Variants in BRD4 observed in about 807,000 individuals in gnomAD.
BRD4 encodes the protein bromodomain containing 4.
Under a neutral mutation model 142.1 loss-of-function variants are expected in BRD4, and 16 were observed. That is an observed-to-expected ratio of 0.11 (90% CI 0.08 to 0.17). The LOEUF is 0.17. BRD4 is among the 10% of genes least tolerant of loss of function. The pLI is 1.00. For synonymous variants in BRD4, 833 were observed against 707.5 expected, an observed-to-expected ratio of 1.18 and a Z score of -2.82; for missense variants, 1,424 against 1,810.9, an observed-to-expected ratio of 0.79 and a Z score of 3.88.
chr19:15,311,617 CCT>C (rs1163140809), intron 1 of BRD4, among the ~76,000 whole-genome samples: 1 of 151,652 alleles, frequency 6.6e-6, no homozygotes, highest in Non-Finnish European at 1.5e-5. Flanking sequence ...ATGATGAAAC[CCT>C]GTCTCTACTA....
intron 1 of BRD4, among the ~76,000 whole-genome samples, chr19:15,310,983 A>C (rs1281797694): frequency 6.6e-6 from 1 of 151,690 alleles, no homozygotes; most frequent in African/African-American, 2.4e-5. Context: ...CTTAGTTCTA[A>C]CATGTGTTCA....
intron 2 of BRD4, among the ~76,000 whole-genome samples, chr19:15,272,437 C>A (rs961037204): frequency 1.3e-5 from 2 of 152,160 alleles, no homozygotes; most frequent in South Asian, 4.1e-4. Context: ...TGATCAACTA[C>A]GTCTACTTAT....
intron 11 of BRD4, chr19:15,253,429 A>T (rs1385514381): frequency 1.1e-6 from 1 of 878,040 alleles, no homozygotes; most frequent in Non-Finnish European, 1.7e-6. Context: ...GCTGCTGCTC[A>T]GAAGGTGGGC....
chr19:15,288,028 A>G (rs1344329547), intron 1 of BRD4, among the ~76,000 whole-genome samples: 2 of 152,164 alleles, frequency 1.3e-5, no homozygotes, highest in Non-Finnish European at 2.9e-5. Context: ...TCGGCCTCCC[A>G]AAGTGCTGGG....
intron 1 of BRD4, among the ~76,000 whole-genome samples, chr19:15,280,843 G>A: frequency 6.6e-6 from 1 of 152,204 alleles, no homozygotes; most frequent in East Asian, 1.9e-4. Flanking sequence ...ACAAGAGGAT[G>A]AGGGACCCTG....
intron 1 of BRD4, among the ~76,000 whole-genome samples, chr19:15,289,492 G>A (rs2047764760): frequency 6.6e-6 from 1 of 151,948 alleles, no homozygotes; most frequent in South Asian, 2.1e-4. Context: ...CGGAGGTTGC[G>A]ATGAGCCGAG....
At chr19:15,264,140 C>T in intron 6 of BRD4, 2 of 430,228 alleles carry the variant, frequency 4.6e-6, no homozygotes, top group Non-Finnish European at 4.1e-6. Flanking sequence ...GCCCCCAAGG[C>T]CAGAGGGCTT....
At chr19:15,263,598 G>A in intron 6 of BRD4, 50 bp from the exon 7 acceptor site, 1 of 1,603,792 alleles carries the variant, frequency 6.2e-7, no homozygotes, top group Non-Finnish European at 8.5e-7. Flanking sequence ...ATGTGACCAT[G>A]GAGAAGTGGC....
At chr19:15,254,314 C>T (rs559528750) in intron 10 of BRD4, 52 bp from the exon 11 acceptor site, 12 of 1,483,778 alleles carry the variant, frequency 8.1e-6, no homozygotes, top group African/African-American at 2.8e-5. Context: ...CCCAGGAAGC[C>T]GCTCTAAGCC....
intron 1 of BRD4, among the ~76,000 whole-genome samples, chr19:15,291,959 AT>A (rs1477666400): frequency 6.6e-6 from 1 of 152,304 alleles, no homozygotes; most frequent in African/African-American, 2.4e-5. Flanking sequence ...GATGTCAGCA[AT>A]CCTTAGGTTT....
chr19:15,256,630 T>C (rs2047412101), intron 8 of BRD4, among the ~76,000 whole-genome samples: 2 of 152,090 alleles, frequency 1.3e-5, no homozygotes, highest in African/African-American at 4.8e-5. Context: ...TGACTGGCTA[T>C]AGGGAGAGGA....
chr19:15,319,971 C>G (rs2048047819), intron 1 of BRD4, among the ~76,000 whole-genome samples: 1 of 152,170 alleles, frequency 6.6e-6, no homozygotes, highest in African/African-American at 2.4e-5. Context: ...ATCAATAGCC[C>G]TTTAACCAAC....
At chr19:15,278,154 C>G (rs1312549057) in intron 1 of BRD4, among the ~76,000 whole-genome samples, 1 of 127,698 alleles carries the variant, frequency 7.8e-6, no homozygotes, top group African/African-American at 2.9e-5. Flanking sequence ...AAATCAACAT[C>G]AACAGGAGAT....
Position 15,239,551 on chromosome 19 carries a change from G to A in BRD4, c.3446-29C>T, listed in dbSNP as rs1040505052. The stretch of plus-strand genomic sequence containing the variant: ...GAACATAAACAGCCGGTGGGCCCTG[G>A]CCCACCTCACCCCAGTGGGGCATGG... On this transcript the variant is annotated intron_variant, in intron 16 of 19. Coordinates refer to ENST00000679869, the MANE Select transcript of BRD4 (RefSeq NM_001379291.1). The surrounding 1 kb of genome is among the most constrained non-coding windows in gnomAD (Gnocchi z 7.4). The A allele has an allele frequency of 1.3e-6, 2 of 1,593,574 alleles. No homozygotes were observed. The highest frequency in any genetic ancestry group is 2.7e-5 in the African/African-American group (2 of 74,226).
chr19:15,236,720 G>C lies in BRD4; in HGVS notation c.*1657C>G, dbSNP rs1000843564. ...CAGACAGGGACAGGTCACAGGAGAGGGGCTAGGTAATCCCTGGCAGTAGTT... is the reference window on the plus strand; with the variant it reads ...CAGACAGGGACAGGTCACAGGAGAGCGGCTAGGTAATCCCTGGCAGTAGTT... On this transcript the variant is annotated 3_prime_UTR_variant, in exon 20 of 20. Coordinates refer to ENST00000679869, the MANE Select transcript of BRD4 (RefSeq NM_001379291.1). The C allele has an allele frequency of 1.7e-5, 3 of 172,050 alleles. No homozygotes were observed. Among genetic ancestry groups the C allele is most frequent in the Non-Finnish European group, 3.8e-5 (3 of 79,508 alleles). The allele number at this position is 172,050 out of a possible 1,614,324, so 10.7% of individuals were successfully genotyped here.
At chr19:15,275,468 G>C (rs2047636272) in intron 1 of BRD4, among the ~76,000 whole-genome samples, 1 of 152,178 alleles carries the variant, frequency 6.6e-6, no homozygotes, top group Non-Finnish European at 1.5e-5. Context: ...GGGCAGTTAA[G>C]TTGGCCTTTG....
chr19:15,329,376 T>C (rs1023687997), intron 1 of BRD4, among the ~76,000 whole-genome samples: 1 of 152,038 alleles, frequency 6.6e-6, no homozygotes, highest in Non-Finnish European at 1.5e-5. Context: ...CACTATACAG[T>C]AGGTTGTCAG....
chr19:15,301,865 G>GAAA (rs952860124), intron 1 of BRD4, among the ~76,000 whole-genome samples: 18 of 40,474 alleles, frequency 4.4e-4, no homozygotes, highest in African/African-American at 7.8e-4. Context: ...CCGTCTCAAA[G>GAAA]AAAAAAAAAA....
At chr19:15,324,249 A>G (rs1191199364) in intron 1 of BRD4, among the ~76,000 whole-genome samples, 1 of 152,246 alleles carries the variant, frequency 6.6e-6, no homozygotes, top group Non-Finnish European at 1.5e-5. Context: ...TACACCTAGG[A>G]TAAACGAAAA....
Sources: allele counts gnomAD v4.1 joint callset (sites outside exome capture counted in the v4.1 genomes callset), GRCh38; gene constraint gnomAD v4.1.1; non-coding constraint Gnocchi (gnomAD v3.1); transcripts MANE v1.5; gene names NCBI Gene and HGNC (gene_info 2026-07-23, HGNC 2026-07-21).